The following PELI2 variants were observed in gnomAD, a reference collection of about 807,000 sequenced individuals.
The protein encoded by PELI2 is pellino E3 ubiquitin protein ligase family member 2.
In PELI2, 23 loss-of-function variants were observed where a neutral mutation model predicts 42.3. That is an observed-to-expected ratio of 0.54 (90% CI 0.39 to 0.77). The LOEUF is 0.77. Among genes scored for constraint, PELI2 ranks in the 30% least tolerant of loss-of-function variants. The pLI is 0.00. For missense variants in PELI2, 463 were observed against 553.2 expected (o/e 0.84, Z 1.64); for synonymous variants, 245 against 212.2 (o/e 1.15, Z -1.34).
intron 1 of PELI2, among the ~76,000 whole-genome samples, chr14:56,167,080 C>T (rs565471169): frequency 6.6e-5 from 10 of 152,268 alleles, no homozygotes; most frequent in East Asian, 1.9e-4. Context: ...TGAGCCACCG[C>T]GCCTGGCCTA....
chr14:56,227,907 G>A (rs1185861035), intron 2 of PELI2, among the ~76,000 whole-genome samples: 1 of 152,190 alleles, frequency 6.6e-6, no homozygotes, highest in Non-Finnish European at 1.5e-5. Context: ...GACAGTATAA[G>A]CACCGAAGTA....
chr14:56,165,810 G>A (rs926806084), intron 1 of PELI2, among the ~76,000 whole-genome samples: 2 of 151,966 alleles, frequency 1.3e-5, no homozygotes, highest in African/African-American at 4.8e-5. Context: ...AATCAATTTT[G>A]TCTGACATAA....
chr14:56,201,814 A>G (rs1886342584), intron 2 of PELI2, among the ~76,000 whole-genome samples: 1 of 152,232 alleles, frequency 6.6e-6, no homozygotes, highest in Non-Finnish European at 1.5e-5. Flanking sequence ...TTTATCTACA[A>G]AAGCTGAATT....
chr14:56,122,601 T>TC (rs1287670586), intron 1 of PELI2, among the ~76,000 whole-genome samples: 2 of 151,744 alleles, frequency 1.3e-5, no homozygotes, highest in African/African-American at 2.4e-5. Flanking sequence ...TGCAAGACTT[T>TC]TTTTTTTTCT....
chr14:56,295,361 G>T (rs1889964216), intron 5 of PELI2, among the ~76,000 whole-genome samples: 2 of 151,778 alleles, frequency 1.3e-5, no homozygotes, highest in South Asian at 2.1e-4. Flanking sequence ...CCCACCCAGT[G>T]CCCTGAACTG....
intron 2 of PELI2, among the ~76,000 whole-genome samples, chr14:56,276,956 C>G (rs10131954): frequency 1.1e-3 from 175 of 152,278 alleles, no homozygotes; most frequent in African/African-American, 4.0e-3. Flanking sequence ...TGGGCAGTTT[C>G]CAGGTAATGT....
chr14:56,143,671 G>C (rs1352896209), intron 1 of PELI2, among the ~76,000 whole-genome samples: 4 of 152,136 alleles, frequency 2.6e-5, no homozygotes, highest in African/African-American at 9.7e-5. Flanking sequence ...TCCTATGATT[G>C]TAATTCAAAG....
At chr14:56,234,591 G>C (rs1887715135) in intron 2 of PELI2, among the ~76,000 whole-genome samples, 1 of 152,144 alleles carries the variant, frequency 6.6e-6, no homozygotes. Flanking sequence ...TCGCACACCA[G>C]GGCCTGTGGT....
intron 2 of PELI2, among the ~76,000 whole-genome samples, chr14:56,258,710 A>T (rs1888607171): frequency 6.6e-6 from 1 of 152,168 alleles, no homozygotes; most frequent in South Asian, 2.1e-4. Flanking sequence ...AAAAATAAAG[A>T]TAGCCATAGT....
intron 3 of PELI2, among the ~76,000 whole-genome samples, chr14:56,280,085 C>A (rs114341905): frequency 6.6e-6 from 1 of 152,100 alleles, no homozygotes; most frequent in Non-Finnish European, 1.5e-5. Flanking sequence ...TTCTAAGTAG[C>A]ATTTGAATGA....
intron 1 of PELI2, among the ~76,000 whole-genome samples, chr14:56,131,455 TAC>T (rs1282149390): frequency 6.6e-6 from 1 of 152,152 alleles, no homozygotes; most frequent in African/African-American, 2.4e-5. Flanking sequence ...AAAGGACAAA[TAC>T]AGCATCTTCA....
intron 1 of PELI2, among the ~76,000 whole-genome samples, chr14:56,141,377 G>C (rs1178067469): frequency 2.0e-5 from 3 of 152,160 alleles, no homozygotes; most frequent in African/African-American, 7.2e-5. Flanking sequence ...AGGCAAGATT[G>C]GCTGGCACGA....
chr14:56,197,260 A>G lies in PELI2; in HGVS notation c.207+18796A>G, dbSNP rs181271489. Among the ~76,000 whole-genome samples, 3 of 152,312 alleles carry G rather than the reference A, an allele frequency of 2.0e-5. No individual in the cohort carries two copies. The East Asian group carries it at 5.8e-4, about 29-fold the overall frequency. On this transcript the variant is annotated intron_variant, in intron 2 of 5. Coordinates refer to ENST00000267460, the MANE Select transcript of PELI2 (RefSeq NM_021255.3). This position sits in a 1 kb window ranked among gnomAD's most constrained non-coding sequence, Gnocchi z 4.9. ...GTGGAGAATACTGTGAGGGCCAGGG[A>G]CACATATTTAAGTTTTGATGAGTTA...
chr14:56,209,703 T>G (rs1010668416), intron 2 of PELI2, among the ~76,000 whole-genome samples: 1 of 152,104 alleles, frequency 6.6e-6, no homozygotes, highest in Non-Finnish European at 1.5e-5. Context: ...CGTAAAGAAG[T>G]CTTGAGACTA....
chr14:56,177,922 G>T (rs755149655), intron 1 of PELI2, among the ~76,000 whole-genome samples: 4 of 152,082 alleles, frequency 2.6e-5, no homozygotes, highest in Admixed American at 1.3e-4. Flanking sequence ...GAGAGATGAG[G>T]TTTAATTAGT....
intron 1 of PELI2, among the ~76,000 whole-genome samples, chr14:56,146,455 T>C (rs1192128821): frequency 6.6e-6 from 1 of 152,208 alleles, no homozygotes; most frequent in Non-Finnish European, 1.5e-5. Flanking sequence ...AAACATACTT[T>C]CACCATATGA....
intron 2 of PELI2, among the ~76,000 whole-genome samples, chr14:56,230,961 G>A (rs1183969843): frequency 1.3e-5 from 2 of 152,120 alleles, no homozygotes; most frequent in Non-Finnish European, 2.9e-5. Context: ...TGCAATCCTA[G>A]TCTCTGATAA....
intron 2 of PELI2, among the ~76,000 whole-genome samples, chr14:56,233,789 A>C (rs1887678840): frequency 1.3e-5 from 2 of 152,258 alleles, no homozygotes; most frequent in Admixed American, 6.5e-5. Flanking sequence ...TCTGCACAGC[A>C]AAAGAAACTG....
At chr14:56,283,628 T>C (rs1221273433) in intron 3 of PELI2, among the ~76,000 whole-genome samples, 1 of 152,150 alleles carries the variant, frequency 6.6e-6, no homozygotes, top group African/African-American at 2.4e-5. Context: ...CTGAGAAATA[T>C]GGGTGTTTGA....
Sources: allele counts gnomAD v4.1 joint callset (sites outside exome capture counted in the v4.1 genomes callset), GRCh38; gene constraint gnomAD v4.1.1; non-coding constraint Gnocchi (gnomAD v3.1); transcripts MANE v1.5; gene names NCBI Gene and HGNC (gene_info 2026-07-23, HGNC 2026-07-21).